FOLH1: variants seen among roughly 807,000 people sequenced by gnomAD.
FOLH1 encodes the protein glutamate carboxypeptidase 2.
Under a neutral mutation model 93.9 loss-of-function variants are expected in FOLH1, and 54 were observed. The observed-to-expected ratio is 0.57, with a 90% confidence interval of 0.46 to 0.72. FOLH1 has a LOEUF of 0.72. Among genes scored for constraint, FOLH1 ranks in the 30% least tolerant of loss-of-function variants. The probability of loss-of-function intolerance (pLI) is 0.00; values close to 1 mark genes in which losing one functional copy is unlikely to be tolerated. For missense variants in FOLH1, 571 were observed against 892.5 expected (o/e 0.64, Z 4.59); for synonymous variants, 249 against 303.6 (o/e 0.82, Z 1.87).
chr11:49,199,320 C>T (rs1364253651), intron 3 of FOLH1, among the ~76,000 whole-genome samples: 1 of 152,148 alleles, frequency 6.6e-6, no homozygotes, highest in Non-Finnish European at 1.5e-5. Flanking sequence ...TCATATTGAA[C>T]ATACATCATA....
At chr11:49,198,032 A>T (rs1449179537) in intron 3 of FOLH1, among the ~76,000 whole-genome samples, 1 of 152,096 alleles carries the variant, frequency 6.6e-6, no homozygotes, top group Non-Finnish European at 1.5e-5. Context: ...TATTCAGGAA[A>T]ATCTCCCAAG....
At chr11:49,202,464 C>A (rs915627379) in intron 2 of FOLH1, among the ~76,000 whole-genome samples, 1 of 151,788 alleles carries the variant, frequency 6.6e-6, no homozygotes, top group Non-Finnish European at 1.5e-5. Context: ...TACAGTGGTG[C>A]AATCATAGCT....
At chr11:49,204,892 A>G (rs1397149100) in intron 2 of FOLH1, among the ~76,000 whole-genome samples, 2 of 152,118 alleles carry the variant, frequency 1.3e-5, no homozygotes, top group East Asian at 3.9e-4. Flanking sequence ...AAAATTCACA[A>G]AAGGATCTCA....
chr11:49,162,742 C>G (rs1289090461), intron 13 of FOLH1: 1 of 150,730 alleles, frequency 6.6e-6, no homozygotes, highest in Non-Finnish European at 1.5e-5. Context: ...TGCCTTCAAT[C>G]TTTGAGGTTG....
At chr11:49,179,038 A>G (rs1860421901) in intron 7 of FOLH1, among the ~76,000 whole-genome samples, 1 of 152,252 alleles carries the variant, frequency 6.6e-6, no homozygotes, top group Admixed American at 6.5e-5. Context: ...TCACAGAGCA[A>G]AGGTAAAATT....
chr11:49,201,970 G>A (rs1251941360), intron 2 of FOLH1, among the ~76,000 whole-genome samples: 2 of 152,190 alleles, frequency 1.3e-5, no homozygotes, highest in African/African-American at 4.8e-5. Context: ...TATCAGGGTT[G>A]GGACTCACTC....
In FOLH1 at chr11:49,156,807, C is replaced by T. The variant is rs1370830109; in HGVS notation, c.1533G>A (p.Arg511=). The change falls in exon 15 of 19, where the codon AGG becomes AGA. Residue 511 remains arginine (R), a splice_region_variant and synonymous_variant. Transcript: ENST00000256999. ...SPSPEFSGMP[R]ISKLGSGNDF... is the part of the protein sequence containing the mutation. ...CATTTCCAGATCCCAATTTGCTTATCCTTTTAGAGATAAAACAACAGAATT... is the reference window on the plus strand; with the variant it reads ...CATTTCCAGATCCCAATTTGCTTATTCTTTTAGAGATAAAACAACAGAATT... The T allele has an allele frequency of 3.7e-6, 6 of 1,611,086 alleles. No individual in the cohort carries two copies. The highest frequency in any genetic ancestry group is 5.1e-6 in the Non-Finnish European group (6 of 1,178,438).
At chr11:49,207,307 G>A (rs946351815) in intron 1 of FOLH1, among the ~76,000 whole-genome samples, 2 of 152,156 alleles carry the variant, frequency 1.3e-5, no homozygotes, top group Non-Finnish European at 2.9e-5. Flanking sequence ...TGAGAGTGAG[G>A]GCAATACCAG....
chr11:49,150,652 C>A (rs1185348067), intron 17 of FOLH1, among the ~76,000 whole-genome samples: 50 of 152,178 alleles, frequency 3.3e-4, no homozygotes, highest in Non-Finnish European at 1.0e-4. Flanking sequence ...TATTTGGATA[C>A]CTGCTATTTA....
In FOLH1 at chr11:49,208,380, C is replaced by A. The variant is rs1469201578; in HGVS notation, c.30G>T (p.Ser10=). The change falls in exon 1 of 19, where the codon TCG becomes TCT. Residue 10 remains serine, a synonymous_variant. Transcript: ENST00000256999. The part of the protein sequence containing the change: MWNLLHETD[S]AVATARRPRW... ...GCGGGCGGCGCGCGGTGGCCACAGCCGAGTCGGTTTCGTGAAGGAGATTCC... is the reference window on the plus strand; with the variant it reads ...GCGGGCGGCGCGCGGTGGCCACAGCAGAGTCGGTTTCGTGAAGGAGATTCC... The A allele has an allele frequency of 6.2e-7, 1 of 1,603,820 alleles. No homozygotes were observed.
At chr11:49,194,074 C>G (rs1366384584) in intron 3 of FOLH1, among the ~76,000 whole-genome samples, 2 of 149,246 alleles carry the variant, frequency 1.3e-5, no homozygotes, top group Admixed American at 1.4e-4. Flanking sequence ...ATCACTTGAA[C>G]CCAGCAGGCA....
At chr11:49,174,039 C>G (rs189704185) in intron 9 of FOLH1, among the ~76,000 whole-genome samples, 12 of 152,254 alleles carry the variant, frequency 7.9e-5, no homozygotes, top group Admixed American at 3.3e-4. Context: ...GCATTGATCA[C>G]CCTTAAGCAT....
Position 49,208,410 on chromosome 11 carries a change from C to G in FOLH1, c.-1G>C. ...CGGTTTCGTGAAGGAGATTCCACAT[C>G]TCGGCGCGAGCAGAGCCGGCCTCCC... On this transcript the variant is annotated 5_prime_UTR_variant, in exon 1 of 19. Coordinates refer to ENST00000256999, the MANE Select transcript of FOLH1 (RefSeq NM_004476.3). The G allele has an allele frequency of 6.3e-7, 1 of 1,592,796 alleles. No individual in the cohort carries two copies.
chr11:49,173,341 T>C lies in FOLH1; in HGVS notation c.1225+16A>G. On this transcript the variant is annotated intron_variant, in intron 10 of 18. Coordinates refer to ENST00000256999, the MANE Select transcript of FOLH1 (RefSeq NM_004476.3). Reference sequence around the variant, plus strand: ...TCAGATAGGCTGTTTTTTTTCTTGCTGTTTGTTTGTATTACCTTCCTTTTT... The same window carrying C: ...TCAGATAGGCTGTTTTTTTTCTTGCCGTTTGTTTGTATTACCTTCCTTTTT... 6.2e-7 allele frequency: 1 copy of C among 1,603,508 alleles called. No homozygotes were observed. The highest frequency in any genetic ancestry group is 1.1e-5 in the South Asian group (1 of 89,390).
chr11:49,197,333 T>G (rs1862730934), intron 3 of FOLH1, among the ~76,000 whole-genome samples: 6 of 152,208 alleles, frequency 3.9e-5, no homozygotes, highest in Admixed American at 3.9e-4. Flanking sequence ...AATGCCTTTT[T>G]GGTTGACTTT....
chr11:49,148,089 A>C (rs1855992209), intron 18 of FOLH1, among the ~76,000 whole-genome samples: 1 of 152,002 alleles, frequency 6.6e-6, no homozygotes, highest in Non-Finnish European at 1.5e-5. Context: ...GATCTATCTC[A>C]TTCTGCAATA....
chr11:49,167,864 A>AC (rs1858607440), intron 12 of FOLH1, among the ~76,000 whole-genome samples: 1 of 151,744 alleles, frequency 6.6e-6, no homozygotes, highest in South Asian at 2.1e-4. Context: ...AACAGAAAAA[A>AC]AAAACAAACA....
chr11:49,176,969 A>G (rs34300142), intron 7 of FOLH1, among the ~76,000 whole-genome samples: 4 of 152,244 alleles, frequency 2.6e-5, no homozygotes, highest in Non-Finnish European at 5.9e-5. Context: ...CTCTGCGGTC[A>G]CGCACCCTCA....
At chr11:49,179,814 A>G (rs184790958) in intron 7 of FOLH1, among the ~76,000 whole-genome samples, 1 of 152,362 alleles carries the variant, frequency 6.6e-6, no homozygotes, top group Admixed American at 6.5e-5. Flanking sequence ...AAAGATCAAC[A>G]AAATCAGCAA....
Sources: gnomAD v4.1 joint callset for allele counts (sites outside exome capture counted in the v4.1 genomes callset) on GRCh38, gnomAD v4.1.1 for gene constraint, MANE v1.5 for transcripts, NCBI Gene and HGNC (gene_info 2026-07-23, HGNC 2026-07-21) for gene names.